The following SGO2 variants were observed in gnomAD, a reference collection of about 807,000 sequenced individuals.
SGO2 encodes shugoshin-like 2.
Under a neutral mutation model 99.5 loss-of-function variants are expected in SGO2, and 68 were observed. That is an observed-to-expected ratio of 0.68 (90% CI 0.56 to 0.84). SGO2 has a LOEUF of 0.84. Ranked by LOEUF, SGO2 falls within the 40% of genes least tolerant of loss-of-function variation. SGO2 has a pLI of 0.00. For missense variants in SGO2, 1,350 were observed against 1,436.7 expected (o/e 0.94, Z 0.97); for synonymous variants, 457 against 487.1 (o/e 0.94, Z 0.81).
intron 3 of SGO2, 90 bp downstream of exon 3, chr2:200,535,261 C>A: frequency 2.5e-6 from 3 of 1,196,208 alleles, no homozygotes; most frequent in Non-Finnish European, 3.4e-6. Context: ...TTTTTCAAAT[C>A]TCCAATAGTG....
Position 200,573,812 on chromosome 2 carries a change from C to G in SGO2, c.3466C>G (p.Arg1156Gly). Residue 1156 changes from arginine (R) to glycine (G), a missense_variant, in exon 7 of 9, where the codon CGT becomes GGT. Physicochemically the swap from Arg to Gly is moderately radical, Grantham distance 125 (BLOSUM62 -2). Transcript: ENST00000357799. ...ACAAGATTCTTCCTTTGACAGTGTT[C>G]GTGAAGGTTTAGTACCTTTGAGCGT... ...NIQDSSFDSV[R>G]EGLVPLSVSS... 1 of 1,612,646 alleles carries G rather than the reference C, an allele frequency of 6.2e-7. No homozygotes were observed. Among genetic ancestry groups the G allele is most frequent in the Non-Finnish European group, 8.5e-7 (1 of 1,179,260 alleles).
chr2:200,538,536 C>T (rs13432798), intron 4 of SGO2, among the ~76,000 whole-genome samples: 1,858 of 152,220 alleles, frequency 0.012, 43 homozygotes, highest in African/African-American at 0.042. Context: ...TTGTTCATCC[C>T]ATCAGAATGT....
Position 200,583,533 on chromosome 2 carries a change from C to A in SGO2, c.*69C>A. ...AGGAATCAAAACAGAAATATAGTAT[C>A]AAGAAGATGAAATGCTTAATGAAAA... On this transcript the variant is annotated 3_prime_UTR_variant, in exon 9 of 9. Coordinates refer to ENST00000357799, the MANE Select transcript of SGO2 (RefSeq NM_152524.6). The A allele has an allele frequency of 5.1e-6, 7 of 1,377,466 alleles. No homozygotes were observed. The highest frequency in any genetic ancestry group is 2.9e-5 in the South Asian group (2 of 69,454). 85.3% of individuals were successfully genotyped at this position (1,377,466 alleles called of 1,614,324 possible).
chr2:200,580,495 C>T (rs2033807306), intron 8 of SGO2: 3 of 432,396 alleles, frequency 6.9e-6, no homozygotes, highest in Non-Finnish European at 1.4e-5. Flanking sequence ...TTGTTGTTTT[C>T]CCATTAAAAT....
chr2:200,553,519 A>G (rs1392261746), intron 5 of SGO2, among the ~76,000 whole-genome samples: 2 of 152,214 alleles, frequency 1.3e-5, no homozygotes, highest in African/African-American at 4.8e-5. Context: ...TGATGAGACT[A>G]GAATCCAATA....
chr2:200,556,701 A>G (rs1392433855), intron 5 of SGO2, among the ~76,000 whole-genome samples: 1 of 152,222 alleles, frequency 6.6e-6, no homozygotes, highest in East Asian at 1.9e-4. Flanking sequence ...AGCATTGGGC[A>G]GTTTCCATTA....
Position 200,575,308 on chromosome 2 carries a change from C to A in SGO2, c.3632-3C>A. Reference sequence around the variant, plus strand: ...ATTTGTGAAAAATAATATTCTTTTTCAGGTGATAGACCATTACAGGACTTG... The same window carrying A: ...ATTTGTGAAAAATAATATTCTTTTTAAGGTGATAGACCATTACAGGACTTG... On this transcript the variant is annotated splice_region_variant and splice_polypyrimidine_tract_variant and intron_variant, in intron 7 of 8. Coordinates refer to ENST00000357799, the MANE Select transcript of SGO2 (RefSeq NM_152524.6). 1 of 1,525,928 alleles carries A rather than the reference C, an allele frequency of 6.6e-7. No homozygotes were observed. Among genetic ancestry groups the A allele is most frequent in the Non-Finnish European group, 8.9e-7 (1 of 1,128,112 alleles). 94.5% of individuals were successfully genotyped at this position (1,525,928 alleles called of 1,614,324 possible).
rs74804655 is a variant in SGO2 at position 200,542,501 on chromosome 2, G to C, written c.388-78G>C. On this transcript the variant is annotated intron_variant, in intron 4 of 8. Transcript: ENST00000357799. ...TTGTTCTTTTACTATTAATGTCATT[G>C]TATAATTTGGTACTGTGATAACTAA... 2,644 of 1,027,156 alleles carry C rather than the reference G, an allele frequency of 2.6e-3. 52 individuals carry two copies. The African/African-American group carries it at 0.038, about 15-fold the overall frequency. 63.6% of individuals were successfully genotyped at this position (1,027,156 alleles called of 1,614,324 possible). A position where few individuals can be genotyped will look rare whatever the true frequency, so the allele number is the denominator to read the frequency against.
intron 5 of SGO2, among the ~76,000 whole-genome samples, chr2:200,548,258 A>T (rs577609744): frequency 1.3e-5 from 2 of 152,168 alleles, no homozygotes; most frequent in East Asian, 3.9e-4. Context: ...GTTCAAAAAA[A>T]TATAAATCAT....
intron 8 of SGO2, among the ~76,000 whole-genome samples, chr2:200,578,930 T>C (rs1179303298): frequency 1.3e-5 from 2 of 152,218 alleles, no homozygotes; most frequent in Non-Finnish European, 2.9e-5. Context: ...CTTGGCACTG[T>C]TGACCTTTGG....
chr2:200,581,279 GTGATCT>G (rs1043926741), intron 8 of SGO2, among the ~76,000 whole-genome samples: 14 of 152,030 alleles, frequency 9.2e-5, no homozygotes, highest in South Asian at 2.1e-4. Context: ...TTGTAAATAA[GTGATCT>G]GTTTTGTACT....
chr2:200,561,894 G>A (rs912467043), intron 5 of SGO2, among the ~76,000 whole-genome samples: 1 of 152,142 alleles, frequency 6.6e-6, no homozygotes, highest in East Asian at 1.9e-4. Context: ...CCCACTTTTT[G>A]ATGGGGTTGT....
intron 8 of SGO2, among the ~76,000 whole-genome samples, chr2:200,576,988 T>G (rs2033687332): frequency 6.6e-6 from 1 of 152,212 alleles, no homozygotes; most frequent in Admixed American, 6.5e-5. Context: ...CTATTATGAA[T>G]ATGCTACTAT....
rs2033616001 is a variant in SGO2, at chr2:200,575,342, C to A, written c.3663C>A (p.Thr1221=). ...GACCATTACAGGACTTGTCAAATAC[C>A]AGTTTTGTTTCAAATAACACTGCTG... The part of the protein sequence containing the change: ...GDRPLQDLSN[T]SFVSNNTAES... Residue 1221 remains threonine, a synonymous_variant, in exon 8 of 9, where the codon ACC becomes ACA. Coordinates refer to ENST00000357799, the MANE Select transcript of SGO2 (RefSeq NM_152524.6). 1 of 1,601,862 alleles carries A rather than the reference C, an allele frequency of 6.2e-7. No homozygotes were observed. The highest frequency in any genetic ancestry group is 1.3e-5 in the African/African-American group (1 of 74,520).
At position 200,534,912 on chromosome 2, in the gene SGO2, A is replaced by G. The variant is rs1292595265; in HGVS notation, c.134-84A>G. 5 of 909,562 alleles carry G rather than the reference A, an allele frequency of 5.5e-6. No homozygotes were observed. The East Asian group carries it at 1.6e-4, about 30-fold the overall frequency. The allele number at this position is 909,562 out of a possible 1,614,324, so 56.3% of individuals were successfully genotyped here. On this transcript the variant is annotated intron_variant, in intron 2 of 8. Coordinates refer to ENST00000357799, the MANE Select transcript of SGO2 (RefSeq NM_152524.6). ...TCTTCAGTTAAAACTTGTGAAATGC[A>G]TTTTGTCTATGTTTTACTAAGGAAT... is the stretch of plus-strand genomic sequence containing the variant.
chr2:200,542,859 A>G (rs1419374818), intron 5 of SGO2, 195 bp downstream of exon 5: 2 of 399,316 alleles, frequency 5.0e-6, no homozygotes, highest in African/African-American at 2.0e-5. Context: ...CAATCCCCCA[A>G]CCAGGTTTAT....
intron 8 of SGO2, among the ~76,000 whole-genome samples, chr2:200,582,381 G>A (rs535788348): frequency 4.6e-5 from 7 of 152,160 alleles, no homozygotes; most frequent in African/African-American, 1.2e-4. Flanking sequence ...AAAATAAATA[G>A]TCTAATAGAT....
In SGO2 at chr2:200,570,330, G is replaced by A. The variant is rs928229458; in HGVS notation, c.703+438G>A. Among the ~76,000 whole-genome samples, 2 of 151,898 alleles carry A rather than the reference G, an allele frequency of 1.3e-5. No individual in the cohort carries two copies. The highest frequency in any genetic ancestry group is 4.8e-5 in the African/African-American group (2 of 41,400). On this transcript the variant is annotated intron_variant, in intron 6 of 8. Transcript: ENST00000357799. The surrounding 1 kb of genome is among the most constrained non-coding windows in gnomAD (Gnocchi z 4.4). Reference sequence around the variant, plus strand: ...GTAATGGTTGAGCAAGAAAAAAGATGGCATTTACATTTTATTTACATAGTA... The same window carrying A: ...GTAATGGTTGAGCAAGAAAAAAGATAGCATTTACATTTTATTTACATAGTA...
intron 5 of SGO2, 171 bp downstream of exon 5, chr2:200,542,835 A>G (rs2032027414): frequency 2.4e-6 from 1 of 421,398 alleles, no homozygotes; most frequent in Non-Finnish European, 4.1e-6. Context: ...TAGGACTCCA[A>G]GGAAACTTAC....
Sources: allele counts gnomAD v4.1 joint callset (sites outside exome capture counted in the v4.1 genomes callset), GRCh38; gene constraint gnomAD v4.1.1; non-coding constraint Gnocchi (gnomAD v3.1); transcripts MANE v1.5; gene names NCBI Gene and HGNC (gene_info 2026-07-23, HGNC 2026-07-21).